SLC8A1: variants seen among roughly 807,000 people sequenced by gnomAD.
SLC8A1 encodes the protein solute carrier family 8 member A1.
A neutral mutation model predicts 68.3 loss-of-function variants in SLC8A1; 18 were observed. That is an observed-to-expected ratio of 0.26 (90% CI 0.18 to 0.39). The LOEUF (loss-of-function observed/expected upper bound fraction) is 0.39, where lower values mean the gene tolerates loss of function less well. Ranked by LOEUF, SLC8A1 falls within the 10% of genes least tolerant of loss-of-function variation. The pLI is 1.00. For missense variants in SLC8A1, 985 were observed against 1,156.7 expected, an observed-to-expected ratio of 0.85 and a Z score of 2.15; for synonymous variants, 475 against 415.5, an observed-to-expected ratio of 1.14 and a Z score of -1.74.
intron 2 of SLC8A1, among the ~76,000 whole-genome samples, chr2:40,281,260 G>A (rs986120958): frequency 6.6e-6 from 1 of 152,034 alleles, no homozygotes; most frequent in Non-Finnish European, 1.5e-5. Flanking sequence ...AAAAAAAAAG[G>A]GTTGGGGGGG....
intron 6 of SLC8A1, among the ~76,000 whole-genome samples, chr2:40,156,825 ATG>A (rs1260924256): frequency 2.0e-5 from 3 of 152,044 alleles, no homozygotes; most frequent in Middle Eastern, 6.8e-3. Context: ...CCTGATTTGT[ATG>A]TGTGTGTCTG....
exon 2 of SLC8A1, chr2:40,428,529 T>C (rs1697470539): frequency 3.1e-6 from 5 of 1,612,746 alleles, no homozygotes; most frequent in Non-Finnish European, 4.2e-6. Flanking sequence ...AATCCTCCCC[T>C]CCACCTCTGG....
chr2:40,384,083 A>G (rs1184764430), intron 2 of SLC8A1, among the ~76,000 whole-genome samples: 1 of 151,154 alleles, frequency 6.6e-6, no homozygotes, highest in Admixed American at 6.6e-5. Context: ...CAACACAGCA[A>G]GAGCCCATCT....
chr2:40,111,824 G>C (rs1427897793), exon 8 of SLC8A1: 1 of 152,110 alleles, frequency 6.6e-6, no homozygotes, highest in Non-Finnish European at 1.5e-5. Context: ...TTTTGGGATT[G>C]GAATTTTTTG....
chr2:40,496,088 C>T (rs1705681011), intron 1 of SLC8A1, among the ~76,000 whole-genome samples: 2 of 152,094 alleles, frequency 1.3e-5, no homozygotes, highest in Admixed American at 1.3e-4. Flanking sequence ...TTATCATTGC[C>T]TGCTCACTGT....
rs191242900 is a variant in SLC8A1, at chr2:40,357,959, C to A, written c.1808+70514G>T. On this transcript the variant is annotated intron_variant, in intron 2 of 7. Transcript: ENST00000406785. ...CCTCTGTGCTGCCAGATATTTTATC[C>A]TGATGTGTTTGTATAAAAAGGGATA... Among the ~76,000 whole-genome samples, 229 of 149,412 alleles carry A rather than the reference C, an allele frequency of 1.5e-3. 1 individual carries two copies. Among genetic ancestry groups the A allele is most frequent in the Middle Eastern group, 0.014 (4 of 288 alleles).
At chr2:40,466,335 A>C (rs1457538688) in intron 1 of SLC8A1, among the ~76,000 whole-genome samples, 1 of 152,154 alleles carries the variant, frequency 6.6e-6, no homozygotes, top group Non-Finnish European at 1.5e-5. Context: ...AGCGATGGAA[A>C]ATTTTGTGGA....
chr2:40,343,061 A>G (rs544091060), intron 2 of SLC8A1, among the ~76,000 whole-genome samples: 13 of 152,218 alleles, frequency 8.5e-5, no homozygotes, highest in African/African-American at 2.4e-4. Flanking sequence ...AGGATATTGG[A>G]ATAAATTATT....
At chr2:40,330,860 A>G (rs907142364) in intron 2 of SLC8A1, among the ~76,000 whole-genome samples, 3 of 152,210 alleles carry the variant, frequency 2.0e-5, no homozygotes, top group African/African-American at 7.2e-5. Context: ...AATCTACGGC[A>G]TTTGCTAAAT....
chr2:40,425,840 G>A (rs185892991), intron 2 of SLC8A1, among the ~76,000 whole-genome samples: 4 of 151,974 alleles, frequency 2.6e-5, no homozygotes, highest in Admixed American at 1.3e-4. Flanking sequence ...TAAGAGGGCA[G>A]CACAACTCCA....
At chr2:40,170,903 T>G (rs1229992305) in intron 4 of SLC8A1, among the ~76,000 whole-genome samples, 4 of 152,280 alleles carry the variant, frequency 2.6e-5, no homozygotes, top group Non-Finnish European at 4.4e-5. Context: ...CTGCTCTGTC[T>G]AAGACAGGCA....
chr2:40,426,935 C>T (rs1261849285), intron 2 of SLC8A1, among the ~76,000 whole-genome samples: 1 of 151,754 alleles, frequency 6.6e-6, no homozygotes, highest in African/African-American at 2.4e-5. Flanking sequence ...ATGAACTTTC[C>T]AATGCAAGAC....
rs567111238 is a variant in SLC8A1 at position 40,411,918 on chromosome 2, T to C, written c.1808+16555A>G. Among the ~76,000 whole-genome samples, 44 of 152,264 alleles carry C rather than the reference T, an allele frequency of 2.9e-4. No homozygotes were observed. In the South Asian group the frequency reaches 6.4e-3, roughly 22 times the overall value. ...ATAATCAATAACTCAACAGTCAAAATTGAATTTTTAGCATGTGTCAGGCAT... is the reference window on the plus strand; with the variant it reads ...ATAATCAATAACTCAACAGTCAAAACTGAATTTTTAGCATGTGTCAGGCAT... On this transcript the variant is annotated intron_variant, in intron 2 of 7. Coordinates refer to ENST00000406785, the Ensembl canonical transcript of SLC8A1.
At chr2:40,286,349 G>A (rs1230634265) in intron 2 of SLC8A1, among the ~76,000 whole-genome samples, 1 of 152,220 alleles carries the variant, frequency 6.6e-6, no homozygotes, top group Non-Finnish European at 1.5e-5. Flanking sequence ...ACCAGGATAT[G>A]AAAGACAGAG....
chr2:40,229,512 A>G (rs2059384068), intron 2 of SLC8A1, among the ~76,000 whole-genome samples: 1 of 152,164 alleles, frequency 6.6e-6, no homozygotes, highest in Non-Finnish European at 1.5e-5. Context: ...GTGCAGCTGC[A>G]AAACTTTATT....
At chr2:40,099,013 C>T (rs1195803973) in exon 8 of SLC8A1, 1 of 151,818 alleles carries the variant, frequency 6.6e-6, no homozygotes, top group Non-Finnish European at 1.5e-5. Flanking sequence ...AGGAAAATAC[C>T]ACAGATATAA....
At chr2:40,310,063 C>T (rs2073398383) in intron 2 of SLC8A1, among the ~76,000 whole-genome samples, 1 of 152,178 alleles carries the variant, frequency 6.6e-6, no homozygotes, top group African/African-American at 2.4e-5. Flanking sequence ...TACAATATGT[C>T]ACCTTTTGTG....
rs1553407546 is a variant in SLC8A1 at position 40,200,173 on chromosome 2, G to GAGATAT, written c.1809-22319_1809-22318insATATCT. Among the ~76,000 whole-genome samples the GAGATAT allele has an allele frequency of 4.6e-3, 22 of 4,750 alleles. 2 individuals carry two copies. The South Asian group carries it at 0.087, about 19-fold the overall frequency. 3.1% of individuals were successfully genotyped at this position (4,750 alleles called of 152,430 possible). A position where few individuals can be genotyped will look rare whatever the true frequency, so the allele number is the denominator to read the frequency against. ...AGCACATAGAGGATTTCAAGTCATT[G>GAGATAT]ATATATATATATATATATTTATATA... On this transcript the variant is annotated intron_variant, in intron 2 of 7. Transcript: ENST00000406785.
At position 40,145,863 on chromosome 2, in the gene SLC8A1, G is replaced by T. The variant is rs546902750; in HGVS notation, c.2162-6187C>A. Reference sequence around the variant, plus strand: ...CTTTTCTTTCTTTTCCCTTTTACATGCTTTTACCTTATGTCTAGTGACACC... The same window carrying T: ...CTTTTCTTTCTTTTCCCTTTTACATTCTTTTACCTTATGTCTAGTGACACC... On this transcript the variant is annotated intron_variant, in intron 6 of 7. Coordinates refer to ENST00000406785, the Ensembl canonical transcript of SLC8A1. 2.6e-5 allele frequency among the ~76,000 whole-genome samples: 4 copies of T among 152,224 alleles called. No individual in the cohort carries two copies. In the South Asian group the frequency reaches 6.2e-4, roughly 24 times the overall value.
Sources: gnomAD v4.1 joint callset for allele counts (sites outside exome capture counted in the v4.1 genomes callset) on GRCh38, gnomAD v4.1.1 for gene constraint, MANE v1.5 for transcripts, NCBI Gene and HGNC (gene_info 2026-07-23, HGNC 2026-07-21) for gene names.